Variants in FANCA observed in about 807,000 individuals in gnomAD.
FANCA encodes the protein Fanconi anemia group A protein.
Under a neutral mutation model 194.3 loss-of-function variants are expected in FANCA, and 236 were observed. That is an observed-to-expected ratio of 1.21 (90% CI 1.09 to 1.35). The LOEUF (loss-of-function observed/expected upper bound fraction) is 1.35, where lower values mean the gene tolerates loss of function less well. Among genes scored for constraint, FANCA ranks in the 40% most tolerant of loss-of-function variants. The pLI is 0.00. For synonymous variants in FANCA, 1,014 were observed against 715.8 expected (o/e 1.42, Z -6.65); for missense variants, 2,628 against 1,813.9 (o/e 1.45, Z -8.15).
At chr16:89,792,630 C>G in intron 11 of FANCA, 83 bp from the exon 12 acceptor site, 1 of 1,168,432 alleles carries the variant, frequency 8.6e-7, no homozygotes, top group South Asian at 1.3e-5. Context: ...CCCACAGGGT[C>G]GGTGGGTCTC....
chr16:89,743,033 C>T, intron 36 of FANCA, 95 bp from the exon 37 acceptor site: 2 of 1,430,194 alleles, frequency 1.4e-6, no homozygotes, highest in Non-Finnish European at 1.9e-6. Flanking sequence ...ACCTTTGGGG[C>T]CTGCCTTTCC....
chr16:89,756,285 A>G (rs1234584133), intron 30 of FANCA, among the ~76,000 whole-genome samples: 1 of 152,218 alleles, frequency 6.6e-6, no homozygotes, highest in Non-Finnish European at 1.5e-5. Flanking sequence ...CCATTAGGGA[A>G]GTGCAAATCG....
rs142146246 is a variant in FANCA at position 89,798,951 on chromosome 16, C to G, written c.893+215G>C. The G allele has an allele frequency of 2.1e-3, 3,421 of 1,611,376 alleles. 4 individuals are homozygous for G. The highest frequency in any genetic ancestry group is 2.7e-3 in the Non-Finnish European group (3,176 of 1,179,688). On this transcript the variant is annotated intron_variant, in intron 10 of 42. Coordinates refer to ENST00000389301, the MANE Select transcript of FANCA (RefSeq NM_000135.4). ...GAACAGGATACTGCAGTGGGCGCAC[C>G]TTCCGACCTCATCCTCACAGGAAAA...
rs779593295 is a variant in FANCA at position 89,814,511 on chromosome 16, A to G, written c.283+9T>C. The G allele has an allele frequency of 1.9e-5, 30 of 1,586,942 alleles. No individual in the cohort carries two copies. The highest frequency in any genetic ancestry group is 1.8e-4 in the Admixed American group (11 of 59,960). On this transcript the variant is annotated intron_variant, in intron 3 of 42. Transcript: ENST00000389301. ...AATTCAAAATAGAGAAAATGAAGCT[A>G]TAACTTACCTATAAATGAACTAGAA...
intron 10 of FANCA, chr16:89,798,844 G>C: frequency 6.6e-6 from 10 of 1,506,228 alleles, no homozygotes; most frequent in Non-Finnish European, 7.9e-6. Flanking sequence ...TCACACCCAG[G>C]GAAGGAGGAG....
intron 39 of FANCA, 38 bp downstream of exon 39, chr16:89,739,956 G>T: frequency 6.2e-7 from 1 of 1,611,640 alleles, no homozygotes; most frequent in Non-Finnish European, 8.5e-7. Context: ...TGAAAAGAGC[G>T]GCCCTCCGCA....
intron 21 of FANCA, among the ~76,000 whole-genome samples, chr16:89,774,897 C>T (rs17226484): frequency 1.3e-5 from 2 of 151,836 alleles, no homozygotes; most frequent in South Asian, 2.1e-4. Flanking sequence ...AGTTCGAGAC[C>T]AGCTTGTCCA....
At chr16:89,792,201 T>C in intron 12 of FANCA, 133 bp from the exon 13 acceptor site, 1 of 1,105,088 alleles carries the variant, frequency 9.0e-7, no homozygotes, top group Non-Finnish European at 1.4e-6. Context: ...CATGGAGCTG[T>C]GACAGCTCAC....
chr16:89,807,988 G>A (rs959771690), intron 6 of FANCA, among the ~76,000 whole-genome samples: 7 of 152,100 alleles, frequency 4.6e-5, no homozygotes, highest in Non-Finnish European at 1.0e-4. Context: ...AACCCTGGAG[G>A]TGGAGGTTGT....
chr16:89,799,858 T>A (rs2040383924), intron 8 of FANCA, among the ~76,000 whole-genome samples: 1 of 152,172 alleles, frequency 6.6e-6, no homozygotes, highest in Non-Finnish European at 1.5e-5. Context: ...CCGGGCGCAG[T>A]GGCGGACGCC....
At chr16:89,743,020 G>T in intron 36 of FANCA, 82 bp from the exon 37 acceptor site, 1 of 1,519,336 alleles carries the variant, frequency 6.6e-7, no homozygotes. Context: ...ATTCCCACCT[G>T]TCACCTTTGG....
intron 15 of FANCA, among the ~76,000 whole-genome samples, chr16:89,783,804 C>A (rs59592055): frequency 6.6e-6 from 1 of 152,006 alleles, no homozygotes. Context: ...GCTCTTATTG[C>A]CCAGGCTGGA....
intron 13 of FANCA, 166 bp from the exon 14 acceptor site, chr16:89,791,702 A>G (rs1315109765): frequency 1.3e-5 from 14 of 1,067,776 alleles, no homozygotes; most frequent in Non-Finnish European, 1.7e-5. Flanking sequence ...GCAAACCACT[A>G]GAGACCTGAA....
rs1442722953 is a variant in FANCA at position 89,811,005 on chromosome 16, A to G, written c.350T>C (p.Val117Ala). 1.2e-6 allele frequency: 2 copies of G among 1,614,038 alleles called. No homozygotes were observed. The highest frequency in any genetic ancestry group is 1.7e-6 in the Non-Finnish European group (2 of 1,180,036). Residue 117 changes from valine to alanine, a missense_variant, in exon 4 of 43, where the codon GTT (valine) becomes GCT (alanine). Val to Ala is a moderately conservative substitution (Grantham distance 64). Transcript: ENST00000389301. ...VPVGILSAGM[V>A]ASSVGQICTA... ...GCAGATCTGTCCCACGCTAGAGGCA[A>G]CCATCCCGGCTGAGAGAATACCCAC...
At chr16:89,787,902 C>G (rs2039950016) in intron 14 of FANCA, among the ~76,000 whole-genome samples, 1 of 151,298 alleles carries the variant, frequency 6.6e-6, no homozygotes, top group South Asian at 2.1e-4. Context: ...GAGACGGGGT[C>G]TTGCTCCATT....
At chr16:89,790,249 C>G (rs1445951629) in intron 14 of FANCA, among the ~76,000 whole-genome samples, 1 of 149,756 alleles carries the variant, frequency 6.7e-6, no homozygotes, top group Non-Finnish European at 1.5e-5. Context: ...TAAAAATTAG[C>G]CAGGTGTGGT....
At chr16:89,795,576 T>G (rs1010170119) in intron 11 of FANCA, among the ~76,000 whole-genome samples, 1 of 152,212 alleles carries the variant, frequency 6.6e-6, no homozygotes, top group Non-Finnish European at 1.5e-5. Flanking sequence ...AGGCAGAGGT[T>G]GCAGTGAGCT....
intron 8 of FANCA, among the ~76,000 whole-genome samples, chr16:89,802,714 T>C (rs1283983305): frequency 6.6e-6 from 1 of 152,184 alleles, no homozygotes; most frequent in African/African-American, 2.4e-5. Context: ...GCTATTCTTT[T>C]TTTTTAAAGT....
At chr16:89,781,765 C>T (rs1025777104) in intron 17 of FANCA, among the ~76,000 whole-genome samples, 1 of 151,732 alleles carries the variant, frequency 6.6e-6, no homozygotes, top group African/African-American at 2.4e-5. Flanking sequence ...TTTGAGAGGC[C>T]GAGACGGGCG....
Sources: gnomAD v4.1 joint callset for allele counts (sites outside exome capture counted in the v4.1 genomes callset) on GRCh38, gnomAD v4.1.1 for gene constraint, MANE v1.5 for transcripts, NCBI Gene and HGNC (gene_info 2026-07-23, HGNC 2026-07-21) for gene names.